LIPE: variants seen among roughly 807,000 people sequenced by gnomAD.
LIPE encodes the protein lipase E, hormone sensitive type.
Under a neutral mutation model 88.5 loss-of-function variants are expected in LIPE, and 66 were observed. That is an observed-to-expected ratio of 0.75 (90% CI 0.61 to 0.91). The LOEUF is 0.91. Ranked by LOEUF, LIPE falls within the 40% of genes least tolerant of loss-of-function variation. LIPE has a pLI of 0.00. For missense variants in LIPE, 1,346 were observed against 1,434.7 expected, an observed-to-expected ratio of 0.94 and a Z score of 1.00; for synonymous variants, 570 against 617.5, an observed-to-expected ratio of 0.92 and a Z score of 1.14.
At position 42,408,530 on chromosome 19, in the gene LIPE, G is replaced by A. The variant is rs149741069; in HGVS notation, c.1420-208C>T. On this transcript the variant is annotated intron_variant, in intron 2 of 9. Coordinates refer to ENST00000244289, the MANE Select transcript of LIPE (RefSeq NM_005357.4). The surrounding 1 kb of genome is among the most constrained non-coding windows in gnomAD (Gnocchi z 4.3). ...ATGATCAGCAGATAAGCAAAGCCAC[G>A]CGCAGTATCATGACAAGGAATGACG... 9.9e-4 allele frequency: 574 copies of A among 581,176 alleles called. 5 individuals are homozygous for A. In the East Asian group the frequency reaches 0.016, roughly 17 times the overall value. 36.0% of individuals were successfully genotyped at this position (581,176 alleles called of 1,614,324 possible).
rs753919348 is a variant in LIPE, at chr19:42,424,573, A to G, written c.883+1694T>C. On this transcript the variant is annotated intron_variant, in intron 1 of 9. Transcript: ENST00000244289. ...CTTCCTTCCCTCTCAAAGCATACCC[A>G]GCAGCCCCGGCGCTGAGAAACGCGT... 5.7e-5 allele frequency: 26 copies of G among 456,168 alleles called. No homozygotes were observed. The East Asian group carries it at 1.7e-3, about 30-fold the overall frequency. The allele number at this position is 456,168 out of a possible 1,614,324, so 28.3% of individuals were successfully genotyped here. A position where few individuals can be genotyped will look rare whatever the true frequency, so the allele number is the denominator to read the frequency against.
rs1228303434 is a variant in LIPE, at chr19:42,402,593, CCT to C, written c.2967+12_2967+13del. 2 of 1,476,214 alleles carry C rather than the reference CCT, an allele frequency of 1.4e-6. No individual in the cohort carries two copies. The highest frequency in any genetic ancestry group is 1.8e-6 in the Non-Finnish European group (2 of 1,110,720). 91.4% of individuals were successfully genotyped at this position (1,476,214 alleles called of 1,614,324 possible). On this transcript the variant is annotated intron_variant, in intron 9 of 9. Transcript: ENST00000244289. ...TCTCTAAATGCACCTGTACCGGCCC[CCT>C]CTGTCGCTCACCACGATGTGCACAG...
Position 42,426,477 on chromosome 19 carries a change from G to A in LIPE, c.673C>T (p.Leu225Phe). Residue 225 changes from leucine (L) to phenylalanine (F), a missense_variant, in exon 1 of 10, where the codon CTT becomes TTT. By Grantham distance (22) the Leu-to-Phe change is conservative. Transcript: ENST00000244289. ...IQRSALEWKA[L>F]SEWVTDSESE... is the part of the protein sequence containing the mutation. ...TCAGAATCTGTGACCCACTCAGAAA[G>A]TGCCTTCCACTCTAGGGCTGATCGC... The A allele has an allele frequency of 6.2e-7, 1 of 1,614,100 alleles. No individual in the cohort carries two copies. Among genetic ancestry groups the A allele is most frequent in the East Asian group, 2.2e-5 (1 of 44,874 alleles).
At chr19:42,403,919 C>T (rs2040081169) in intron 8 of LIPE, among the ~76,000 whole-genome samples, 1 of 152,144 alleles carries the variant, frequency 6.6e-6, no homozygotes, top group African/African-American at 2.4e-5. Flanking sequence ...TATCCGTTCA[C>T]GTGACCAGGC....
At chr19:42,413,634 C>A (rs2040429945) in intron 1 of LIPE, among the ~76,000 whole-genome samples, 5 of 152,178 alleles carry the variant, frequency 3.3e-5, no homozygotes. Flanking sequence ...CCACTGCACT[C>A]CAGCCTGGGT....
At chr19:42,409,129 C>A (rs1018770511) in intron 2 of LIPE, among the ~76,000 whole-genome samples, 1 of 151,756 alleles carries the variant, frequency 6.6e-6, no homozygotes, top group Non-Finnish European at 1.5e-5. Context: ...CCAGAGACAG[C>A]CCCCCAGGCA....
At position 42,410,480 on chromosome 19, in the gene LIPE, G is replaced by T; in HGVS notation, c.1246C>A (p.Leu416Met). 1 of 1,614,038 alleles carries T rather than the reference G, an allele frequency of 6.2e-7. No homozygotes were observed. The highest frequency in any genetic ancestry group is 8.5e-7 in the Non-Finnish European group (1 of 1,180,036). The part of the protein sequence containing the change: ...SHNLAELEAY[L>M]AALTQLRALV... ...GCGCGGAGCTGGGTGAGGGCAGCCA[G>T]GTAGGCCTCCAGCTCGGCCAGGTTG... Residue 416 changes from leucine to methionine, a missense_variant, in exon 2 of 10, where the codon CTG becomes ATG. Coordinates refer to ENST00000244289, the MANE Select transcript of LIPE (RefSeq NM_005357.4). The surrounding 1 kb of genome is among the most constrained non-coding windows in gnomAD (Gnocchi z 6.1).
At chr19:42,413,768 C>CGGA (rs1410066688) in intron 1 of LIPE, among the ~76,000 whole-genome samples, 1 of 152,218 alleles carries the variant, frequency 6.6e-6, no homozygotes, top group East Asian at 1.9e-4. Context: ...TCTTCTGTCC[C>CGGA]GGACTGTCAT....
intron 8 of LIPE, among the ~76,000 whole-genome samples, chr19:42,403,593 A>G (rs1325547952): frequency 6.6e-6 from 1 of 151,110 alleles, no homozygotes; most frequent in African/African-American, 2.4e-5. Context: ...GACTATAGGC[A>G]TGTGCCACCA....
In LIPE at chr19:42,426,508, G is replaced by GTTTTGTTAGTTCCT; in HGVS notation, c.641_642insAGGAACTAACAAAA (p.Ile215GlyfsTer11). On this transcript the variant is annotated frameshift_variant, in exon 1 of 10. Transcript: ENST00000244289. LOFTEE classifies it high-confidence loss of function. The stretch of plus-strand genomic sequence containing the variant: ...TCCACTCTAGGGCTGATCGCTGTAT[G>GTTTTGTTAGTTCCT]GATAGTTCCTGAAGTTTTGTTAGAA... 4 of 1,614,170 alleles carry GTTTTGTTAGTTCCT rather than the reference G, an allele frequency of 2.5e-6. No homozygotes were observed. The highest frequency in any genetic ancestry group is 3.4e-6 in the Non-Finnish European group (4 of 1,180,030).
Position 42,410,305 on chromosome 19 carries a change from A to T in LIPE, c.1419+2T>A. ...CAGAGGGGCACGGGGCAGGGGGCTC[A>T]CCTGGAAGCCCAGGCAGCGGCCATA... On this transcript the variant is annotated splice_donor_variant, in intron 2 of 9. Transcript: ENST00000244289. LOFTEE classifies it high-confidence loss of function. The surrounding 1 kb of genome is among the most constrained non-coding windows in gnomAD (Gnocchi z 6.1). 1 of 1,568,018 alleles carries T rather than the reference A, an allele frequency of 6.4e-7. No homozygotes were observed. The highest frequency in any genetic ancestry group is 8.7e-7 in the Non-Finnish European group (1 of 1,155,884).
In LIPE at chr19:42,407,731, C is replaced by A; in HGVS notation, c.1717G>T (p.Glu573Ter). 1.3e-6 allele frequency: 2 copies of A among 1,569,460 alleles called. No individual in the cohort carries two copies. Among genetic ancestry groups the A allele is most frequent in the Non-Finnish European group, 1.7e-6 (2 of 1,158,890 alleles). Residue 573 changes from glutamate to a stop codon, truncating the protein, a stop_gained, in exon 5 of 10, where the codon GAA becomes TAA. Transcript: ENST00000244289. LOFTEE classifies it high-confidence loss of function. The surrounding 1 kb of genome is among the most constrained non-coding windows in gnomAD (Gnocchi z 5.8). The part of the protein sequence containing the change: ...RVSRLLSLPP[E>*]AFEMPLTADP... ...GCAGTCAGTGGCATCTCAAAGGCTTCGGGTGGCAGGCTGAGCAGGCGGCTT... is the reference window on the plus strand; with the variant it reads ...GCAGTCAGTGGCATCTCAAAGGCTTAGGGTGGCAGGCTGAGCAGGCGGCTT...
rs749465764 is a variant in LIPE, at chr19:42,407,211, G to A, written c.2100C>T (p.Phe700=). The A allele has an allele frequency of 6.4e-6, 10 of 1,550,718 alleles. No homozygotes were observed. Among genetic ancestry groups the A allele is most frequent in the Middle Eastern group, 1.7e-4 (1 of 5,934 alleles). Residue 700 remains phenylalanine (F), a synonymous_variant, in exon 6 of 10, where the codon TTC becomes TTT. Transcript: ENST00000244289. The surrounding 1 kb of genome is among the most constrained non-coding windows in gnomAD (Gnocchi z 5.8). ...AGTGCTTGATGGCCCAGCAGTAGGC[G>A]AAGAAGCACTCCTCCAGCGCACGGG... is the stretch of plus-strand genomic sequence containing the variant. The part of the protein sequence containing the change: ...PFPRALEECF[F]AYCWAIKHCA...
At chr19:42,423,639 A>G in intron 1 of LIPE, 3 of 1,167,916 alleles carry the variant, frequency 2.6e-6, no homozygotes, top group South Asian at 1.6e-5. Flanking sequence ...CTATTACCCA[A>G]TCCCGAGCTT....
chr19:42,424,694 C>T (rs1055571733), intron 1 of LIPE: 13 of 452,616 alleles, frequency 2.9e-5, no homozygotes, highest in Admixed American at 2.4e-4. Context: ...TCACAGATAC[C>T]CTCAGCTTCA....
In LIPE at chr19:42,410,906, G is replaced by A; in HGVS notation, c.884-64C>T. ...TCAAGCCTTGCTTAGCTGGGGCCCA[G>A]GAGTCTGGGCCATAGCTTACCCACT... On this transcript the variant is annotated intron_variant, in intron 1 of 9. Transcript: ENST00000244289. This position sits in a 1 kb window ranked among gnomAD's most constrained non-coding sequence, Gnocchi z 6.1. The A allele has an allele frequency of 6.8e-7, 1 of 1,462,820 alleles. No individual in the cohort carries two copies. The highest frequency in any genetic ancestry group is 9.1e-7 in the Non-Finnish European group (1 of 1,095,146). 90.6% of individuals were successfully genotyped at this position (1,462,820 alleles called of 1,614,324 possible).
intron 9 of LIPE, 77 bp from the exon 10 acceptor site, chr19:42,402,152 T>C: frequency 7.4e-7 from 1 of 1,342,332 alleles, no homozygotes; most frequent in Non-Finnish European, 9.8e-7. Flanking sequence ...GAGGAGGGGT[T>C]TGATGAACAA....
intron 1 of LIPE, chr19:42,424,087 C>T: frequency 8.4e-7 from 1 of 1,189,430 alleles, no homozygotes; most frequent in Non-Finnish European, 1.1e-6. Context: ...GCCTGAGAGC[C>T]GTTGGAGGAG....
intron 1 of LIPE, chr19:42,423,501 G>T: frequency 1.1e-5 from 14 of 1,278,544 alleles, no homozygotes; most frequent in Non-Finnish European, 1.2e-5. Context: ...GGGCCATAGC[G>T]GCCTCGGCGG....
Sources: gnomAD v4.1 joint callset for allele counts (sites outside exome capture counted in the v4.1 genomes callset) on GRCh38, gnomAD v4.1.1 for gene constraint, Gnocchi (gnomAD v3.1) non-coding constraint, MANE v1.5 for transcripts, NCBI Gene and HGNC (gene_info 2026-07-23, HGNC 2026-07-21) for gene names.